RASA2: variants seen among roughly 807,000 people sequenced by gnomAD.
RASA2 encodes ras GTPase-activating protein 2.
In RASA2, 155 loss-of-function variants were observed where a neutral mutation model predicts 118.2. The observed-to-expected ratio is 1.31, with a 90% CI of 1.15 to 1.50. The LOEUF is 1.50. Among genes scored for constraint, RASA2 ranks in the 40% most tolerant of loss-of-function variants. The pLI is 0.00. For missense variants in RASA2, 1,016 were observed against 1,009.6 expected (o/e 1.01, Z -0.09); for synonymous variants, 353 against 349.1 (o/e 1.01, Z -0.12).
intron 19 of RASA2, among the ~76,000 whole-genome samples, chr3:141,603,865 T>C (rs555751469): frequency 1.2e-4 from 19 of 152,362 alleles, no homozygotes; most frequent in African/African-American, 4.1e-4. Context: ...CTAACATCTT[T>C]CACTCAGCAT....
At position 141,539,829 on chromosome 3, in the gene RASA2, A is replaced by G. The variant is rs533424791; in HGVS notation, c.451-704A>G. Among the ~76,000 whole-genome samples, 17 of 152,322 alleles carry G rather than the reference A, an allele frequency of 1.1e-4. No homozygotes were observed. The South Asian group carries it at 3.5e-3, about 32-fold the overall frequency. On this transcript the variant is annotated intron_variant, in intron 4 of 23. Transcript: ENST00000286364. Reference sequence around the variant, plus strand: ...AATTCTTTTGAACTTACACTACTTAATTTTTAAAAATTCGTCTATTAATAT... The same window carrying G: ...AATTCTTTTGAACTTACACTACTTAGTTTTTAAAAATTCGTCTATTAATAT...
At chr3:141,590,067 G>T (rs1442098126) in intron 19 of RASA2, 1 of 451,118 alleles carries the variant, frequency 2.2e-6, no homozygotes. Context: ...CATGCTTTTT[G>T]TTTTAACTAT....
chr3:141,559,813 C>G, intron 8 of RASA2, 81 bp from the exon 9 acceptor site: 1 of 1,132,006 alleles, frequency 8.8e-7, no homozygotes. Context: ...TAATACAGAT[C>G]AAAGTAATTT....
chr3:141,573,567 C>T (rs1256044168), intron 13 of RASA2, among the ~76,000 whole-genome samples: 1 of 152,126 alleles, frequency 6.6e-6, no homozygotes, highest in African/African-American at 2.4e-5. Context: ...GTTTCAGTGG[C>T]CTCTGAAAAA....
In RASA2 at chr3:141,609,413, A is replaced by G. The variant is rs1187409718; in HGVS notation, c.2226-7A>G. 2 of 1,466,860 alleles carry G rather than the reference A, an allele frequency of 1.4e-6. No individual in the cohort carries two copies. The highest frequency in any genetic ancestry group is 2.1e-5 in the Admixed American group (1 of 47,088). The allele number at this position is 1,466,860 out of a possible 1,614,324, so 90.9% of individuals were successfully genotyped here. A position where few individuals can be genotyped will look rare whatever the true frequency, so the allele number is the denominator to read the frequency against. On this transcript the variant is annotated splice_region_variant and splice_polypyrimidine_tract_variant and intron_variant, in intron 21 of 23. Transcript: ENST00000286364. ...ATAATATCTTTATTTTTTTATTTTTACCATAGAGGTGTCCCTGCAGACATC... is the reference window on the plus strand; with the variant it reads ...ATAATATCTTTATTTTTTTATTTTTGCCATAGAGGTGTCCCTGCAGACATC...
At chr3:141,579,444 G>A (rs1211321562) in intron 15 of RASA2, 1 of 152,152 alleles carries the variant, frequency 6.6e-6, no homozygotes, top group Non-Finnish European at 1.5e-5. Context: ...CAGATAGACA[G>A]GCCTGAAAAA....
chr3:141,532,122 G>A (rs1313300397), intron 4 of RASA2, among the ~76,000 whole-genome samples: 1 of 152,022 alleles, frequency 6.6e-6, no homozygotes, highest in African/African-American at 2.4e-5. Flanking sequence ...AACTTTCAAA[G>A]TAGCATTATG....
intron 9 of RASA2, among the ~76,000 whole-genome samples, chr3:141,563,309 T>G (rs1262152054): frequency 6.6e-6 from 1 of 152,184 alleles, no homozygotes; most frequent in Non-Finnish European, 1.5e-5. Flanking sequence ...TTTTTTGTTT[T>G]GTTTTCACTT....
intron 7 of RASA2, among the ~76,000 whole-genome samples, chr3:141,558,218 T>C (rs1384982771): frequency 6.6e-6 from 1 of 152,174 alleles, no homozygotes; most frequent in Non-Finnish European, 1.5e-5. Context: ...ACAAAGGAGA[T>C]AATGCATGTG....
At chr3:141,493,587 C>T (rs901676009) in intron 1 of RASA2, among the ~76,000 whole-genome samples, 1 of 152,006 alleles carries the variant, frequency 6.6e-6, no homozygotes, top group Non-Finnish European at 1.5e-5. Context: ...TAAATGATGG[C>T]AACCTGCTGT....
intron 10 of RASA2, 145 bp from the exon 11 acceptor site, chr3:141,571,261 C>A (rs1259098573): frequency 3.9e-6 from 5 of 1,270,970 alleles, no homozygotes; most frequent in Non-Finnish European, 5.4e-6. Context: ...CTCCCACAAT[C>A]ATCTCTGATA....
chr3:141,572,759 C>T, intron 12 of RASA2, 36 bp downstream of exon 12: 2 of 1,427,168 alleles, frequency 1.4e-6, no homozygotes, highest in Non-Finnish European at 9.7e-7. Flanking sequence ...TAGTTTGTGG[C>T]CTTATGATAG....
chr3:141,568,196 A>G (rs1342273578), intron 9 of RASA2, among the ~76,000 whole-genome samples: 1 of 152,180 alleles, frequency 6.6e-6, no homozygotes, highest in Non-Finnish European at 1.5e-5. Context: ...AATATTATGT[A>G]CCCGTTAAAA....
At chr3:141,603,955 T>C (rs1247034033) in intron 19 of RASA2, among the ~76,000 whole-genome samples, 1 of 152,236 alleles carries the variant, frequency 6.6e-6, no homozygotes, top group Non-Finnish European at 1.5e-5. Context: ...CTTTTACAGA[T>C]AATACCACAT....
At chr3:141,602,199 A>G (rs2083474818) in intron 19 of RASA2, among the ~76,000 whole-genome samples, 1 of 152,166 alleles carries the variant, frequency 6.6e-6, no homozygotes, top group Non-Finnish European at 1.5e-5. Flanking sequence ...TCTTATTAAA[A>G]GCTAGACATT....
intron 9 of RASA2, among the ~76,000 whole-genome samples, chr3:141,566,771 A>G (rs749407063): frequency 4.6e-5 from 7 of 152,210 alleles, no homozygotes; most frequent in Non-Finnish European, 7.4e-5. Context: ...GCCTTTAGAT[A>G]GAGAATAGAG....
intron 19 of RASA2, among the ~76,000 whole-genome samples, chr3:141,596,988 A>T (rs2083383316): frequency 6.6e-6 from 1 of 152,246 alleles, no homozygotes; most frequent in Non-Finnish European, 1.5e-5. Context: ...CACACAAAGA[A>T]TCGGAGTGAA....
intron 19 of RASA2, among the ~76,000 whole-genome samples, chr3:141,600,758 A>G (rs1005822514): frequency 2.6e-5 from 4 of 152,270 alleles, no homozygotes; most frequent in African/African-American, 4.8e-5. Flanking sequence ...TTTTAACACA[A>G]TCCCACTCCA....
At position 141,574,049 on chromosome 3, in the gene RASA2, G is replaced by A. The variant is rs376792276; in HGVS notation, c.1465G>A (p.Ala489Thr). The change falls in exon 14 of 24, where the codon GCT becomes ACT. Residue 489 changes from alanine (A) to threonine (T), a missense_variant. Transcript: ENST00000286364. ...TATCTTTTATTCTCTAAGGCAGATG[G>A]CTACTCAGAGATTTCCTAGTAAGTG... ...CDIFYSLRQM[A>T]TQRFPNDPHV... The A allele has an allele frequency of 4.0e-6, 6 of 1,496,314 alleles. No individual in the cohort carries two copies. The African/African-American group carries it at 8.4e-5, about 21-fold the overall frequency. 92.7% of individuals were successfully genotyped at this position (1,496,314 alleles called of 1,614,324 possible). A position where few individuals can be genotyped will look rare whatever the true frequency, so the allele number is the denominator to read the frequency against.
Sources: allele counts gnomAD v4.1 joint callset (sites outside exome capture counted in the v4.1 genomes callset), GRCh38; gene constraint gnomAD v4.1.1; transcripts MANE v1.5; gene names NCBI Gene and HGNC (gene_info 2026-07-23, HGNC 2026-07-21).